Variants in OPHN1 observed in about 807,000 individuals in gnomAD.
OPHN1 encodes the protein oligophrenin 1, also known as oligophrenin-1.
A neutral mutation model predicts 60.7 loss-of-function variants in OPHN1; 11 were observed. The ratio of observed to expected loss-of-function variants is 0.18; its 90% CI spans 0.11 to 0.30. The LOEUF is 0.30. OPHN1 is among the 10% of genes least tolerant of loss of function. The pLI is 1.00. For synonymous variants in OPHN1, 226 were observed against 222.6 expected, an observed-to-expected ratio of 1.02 and a Z score of -0.14; for missense variants, 449 against 611.0, an observed-to-expected ratio of 0.73 and a Z score of 2.80.
intron 2 of OPHN1, among the ~76,000 whole-genome samples, chrX:68,385,085 A>G (rs925987271): frequency 1.3e-4 from 15 of 111,590 alleles, no homozygotes; most frequent in African/African-American, 4.2e-4. Context: ...ATCAGTATAA[A>G]TGTATTTAAA....
chrX:68,272,974 G>A (rs1424481355), intron 5 of OPHN1, among the ~76,000 whole-genome samples: 1 of 111,779 alleles, frequency 8.9e-6, no homozygotes, highest in African/African-American at 3.3e-5. Flanking sequence ...ATGTTAATGA[G>A]ACTCCAGTGA....
intron 15 of OPHN1, among the ~76,000 whole-genome samples, chrX:68,180,365 A>T (rs946372890): frequency 8.9e-6 from 1 of 111,834 alleles, no homozygotes; most frequent in Non-Finnish European, 1.9e-5. Flanking sequence ...ATGAGCAGGT[A>T]TCTTTTTTAT....
chrX:68,306,424 T>C (rs148090093), intron 2 of OPHN1, among the ~76,000 whole-genome samples: 1 of 111,796 alleles, frequency 8.9e-6, no homozygotes, highest in Non-Finnish European at 1.9e-5. Context: ...CATTAGATTA[T>C]AACAAACTTT....
At chrX:68,390,536 C>T (rs970075924) in intron 2 of OPHN1, among the ~76,000 whole-genome samples, 9 of 111,664 alleles carry the variant, frequency 8.1e-5, no homozygotes, top group Non-Finnish European at 1.7e-4. Flanking sequence ...GAGGTCGAGG[C>T]TGCAGTCAGC....
intron 20 of OPHN1, among the ~76,000 whole-genome samples, chrX:68,072,326 A>G (rs915513307): frequency 1.8e-5 from 2 of 112,149 alleles, no homozygotes; most frequent in Non-Finnish European, 3.8e-5. Context: ...AAAACCATGA[A>G]ATTTAATGAG....
rs776634211 is a variant in OPHN1, at chrX:68,073,247, C to T, written c.1739G>A (p.Arg580Gln). Reference sequence around the variant, plus strand: ...TGGTTTGTGCCTTCTTGCTGTCACCCGAGGCGGAGGCACTGGCGGTGCAGC... The same window carrying T: ...TGGTTTGTGCCTTCTTGCTGTCACCTGAGGCGGAGGCACTGGCGGTGCAGC... ...ESAAPPVPPPRVTARRHKPIT... is the reference protein window; with the variant it reads ...ESAAPPVPPPQVTARRHKPIT... The change falls in exon 20 of 25, where the codon CGG becomes CAG. Residue 580 changes from arginine to glutamine, a missense_variant. Transcript: ENST00000355520. 5.0e-6 allele frequency: 6 copies of T among 1,209,811 alleles called. No individual in the cohort carries two copies. The highest frequency in any genetic ancestry group is 1.7e-5 in the African/African-American group (1 of 57,249).
intron 7 of OPHN1, among the ~76,000 whole-genome samples, chrX:68,213,493 A>T (rs1376664929): frequency 9.0e-6 from 1 of 111,168 alleles, no homozygotes; most frequent in African/African-American, 3.3e-5. Flanking sequence ...AAGAGACATG[A>T]GTCCCTAGCA....
intron 4 of OPHN1, among the ~76,000 whole-genome samples, chrX:68,278,088 A>G (rs1367467438): frequency 1.8e-5 from 2 of 112,049 alleles, no homozygotes; most frequent in Non-Finnish European, 3.8e-5. Flanking sequence ...ATGCTTTACT[A>G]GAATTGCAGG....
intron 2 of OPHN1, among the ~76,000 whole-genome samples, chrX:68,368,222 CA>C (rs771258357): frequency 9.0e-6 from 1 of 110,968 alleles, no homozygotes; most frequent in East Asian, 2.8e-4. Context: ...TTTCCTTGGA[CA>C]ATGAGGACGT....
At chrX:68,388,374 G>A (rs2078635195) in intron 2 of OPHN1, among the ~76,000 whole-genome samples, 1 of 106,434 alleles carries the variant, frequency 9.4e-6, no homozygotes, top group South Asian at 4.3e-4. Context: ...GCAGGATAAT[G>A]GCTTGAACCC....
chrX:68,229,360 G>A (rs1046108187), intron 6 of OPHN1, among the ~76,000 whole-genome samples: 2 of 111,845 alleles, frequency 1.8e-5, no homozygotes, highest in African/African-American at 6.5e-5. Flanking sequence ...TAGATTCAAT[G>A]CCATCTCCAT....
intron 2 of OPHN1, among the ~76,000 whole-genome samples, chrX:68,336,200 A>T (rs2078321381): frequency 2.7e-5 from 3 of 109,974 alleles, no homozygotes; most frequent in Admixed American, 2.0e-4. Context: ...TTAAACTGAG[A>T]TGTCTTGTAA....
intron 18 of OPHN1, among the ~76,000 whole-genome samples, chrX:68,100,770 G>A (rs748373576): frequency 4.0e-4 from 43 of 108,555 alleles, no homozygotes; most frequent in African/African-American, 1.4e-3. Context: ...TTTTTGAGAT[G>A]GAGTCTCACT....
chrX:68,340,834 T>C (rs2078347466), intron 2 of OPHN1, among the ~76,000 whole-genome samples: 1 of 109,790 alleles, frequency 9.1e-6, no homozygotes, highest in Admixed American at 9.8e-5. Flanking sequence ...TGAAACCCTG[T>C]CTCTACTAAA....
chrX:68,157,544 A>G (rs1372521793), intron 15 of OPHN1, among the ~76,000 whole-genome samples: 2 of 111,353 alleles, frequency 1.8e-5, no homozygotes, highest in East Asian at 5.7e-4. Flanking sequence ...ACCTGGACAT[A>G]AACATGGGCC....
chrX:68,321,252 T>C (rs1380746222), intron 2 of OPHN1, among the ~76,000 whole-genome samples: 1 of 111,162 alleles, frequency 9.0e-6, no homozygotes, highest in Non-Finnish European at 1.9e-5. Context: ...CAGGCATGGG[T>C]CCATTATTAG....
intron 15 of OPHN1, among the ~76,000 whole-genome samples, chrX:68,186,828 T>C (rs1398508070): frequency 9.0e-6 from 1 of 111,100 alleles, no homozygotes; most frequent in African/African-American, 3.3e-5. Context: ...TAAGGGTATT[T>C]ATCCCATTCA....
chrX:68,373,422 T>C (rs1409674356), intron 2 of OPHN1, among the ~76,000 whole-genome samples: 1 of 112,010 alleles, frequency 8.9e-6, no homozygotes, highest in African/African-American at 3.2e-5. Flanking sequence ...ATCCATCACA[T>C]ATGACTTCAT....
At chrX:68,168,099 C>T (rs2077368553) in intron 15 of OPHN1, among the ~76,000 whole-genome samples, 1 of 110,735 alleles carries the variant, frequency 9.0e-6, no homozygotes, top group South Asian at 3.9e-4. Context: ...ATCAACGAGA[C>T]AGAACGTTAA....
Sources: allele counts gnomAD v4.1 joint callset (sites outside exome capture counted in the v4.1 genomes callset), GRCh38; gene constraint gnomAD v4.1.1; transcripts MANE v1.5; gene names NCBI Gene and HGNC (gene_info 2026-07-23, HGNC 2026-07-21).